Variants in NCAM2 observed in about 807,000 individuals in gnomAD.
NCAM2 encodes the protein N-CAM-2.
Under a neutral mutation model 98.1 loss-of-function variants are expected in NCAM2, and 30 were observed. The observed-to-expected ratio is 0.31, with a 90% CI of 0.23 to 0.41. NCAM2 has a LOEUF of 0.41. Ranked by LOEUF, NCAM2 falls within the 10% of genes least tolerant of loss-of-function variation. NCAM2 has a pLI of 1.00. For synonymous variants in NCAM2, 368 were observed against 342.4 expected, an observed-to-expected ratio of 1.07 and a Z score of -0.83; for missense variants, 867 against 1,005.8, an observed-to-expected ratio of 0.86 and a Z score of 1.87.
intron 1 of NCAM2, among the ~76,000 whole-genome samples, chr21:21,181,883 G>A (rs1414120324): frequency 6.6e-6 from 1 of 151,716 alleles, no homozygotes. Flanking sequence ...GTTACCACAG[G>A]AAATAATTTT....
chr21:21,144,969 T>C (rs979857006), intron 1 of NCAM2, among the ~76,000 whole-genome samples: 2 of 152,080 alleles, frequency 1.3e-5, no homozygotes, highest in African/African-American at 4.8e-5. Context: ...CTGAAAGAAA[T>C]AATGATCATG....
chr21:21,189,593 G>T (rs60892498), intron 1 of NCAM2, among the ~76,000 whole-genome samples: 148 of 152,168 alleles, frequency 9.7e-4, no homozygotes, highest in African/African-American at 3.3e-3. Context: ...ATAAATTCCA[G>T]ACTTGATTTT....
rs568621780 is a variant in NCAM2 at position 21,091,791 on chromosome 21, A to G, written c.55+93173A>G. Reference sequence around the variant, plus strand: ...AGCAATCATATATCTTAAAATATAGAATGTAATTTATTCCTGTAATTAAGT... The same window carrying G: ...AGCAATCATATATCTTAAAATATAGGATGTAATTTATTCCTGTAATTAAGT... On this transcript the variant is annotated intron_variant, in intron 1 of 17. Transcript: ENST00000400546. 5.1e-4 allele frequency among the ~76,000 whole-genome samples: 77 copies of G among 152,328 alleles called. 1 individual carries two copies. The South Asian group carries it at 0.014, about 28-fold the overall frequency.
chr21:21,291,409 T>C (rs1601881736), intron 4 of NCAM2, among the ~76,000 whole-genome samples: 1 of 151,880 alleles, frequency 6.6e-6, no homozygotes, highest in East Asian at 1.9e-4. Context: ...CACAGATTAC[T>C]GTAGCAGATT....
intron 1 of NCAM2, among the ~76,000 whole-genome samples, chr21:21,186,228 G>C (rs2068636879): frequency 6.6e-6 from 1 of 152,068 alleles, no homozygotes; most frequent in South Asian, 2.1e-4. Flanking sequence ...ATAGTTTTTT[G>C]TGTAATAGCT....
Position 21,171,253 on chromosome 21 carries a change from A to G in NCAM2, c.56-109325A>G, listed in dbSNP as rs372905747. Reference sequence around the variant, plus strand: ...GAACTATTCCAAACTACAAATGCCTATGCAGCAATGTTCAGTAAAAGATGA... The same window carrying G: ...GAACTATTCCAAACTACAAATGCCTGTGCAGCAATGTTCAGTAAAAGATGA... On this transcript the variant is annotated intron_variant, in intron 1 of 17. Coordinates refer to ENST00000400546, the MANE Select transcript of NCAM2 (RefSeq NM_004540.5). Among the ~76,000 whole-genome samples the G allele has an allele frequency of 2.0e-5, 3 of 152,230 alleles. No homozygotes were observed. The East Asian group carries it at 5.8e-4, about 29-fold the overall frequency.
At chr21:21,451,958 AT>A (rs1256103711) in intron 12 of NCAM2, among the ~76,000 whole-genome samples, 1 of 152,032 alleles carries the variant, frequency 6.6e-6, no homozygotes, top group Non-Finnish European at 1.5e-5. Flanking sequence ...TACATTCTTT[AT>A]CTTCAACTCT....
chr21:21,070,378 G>A (rs1344504666), intron 1 of NCAM2, among the ~76,000 whole-genome samples: 2 of 131,712 alleles, frequency 1.5e-5, no homozygotes, highest in African/African-American at 6.3e-5. Flanking sequence ...AATACAAAAA[G>A]TCTTTCTCTG....
At chr21:21,386,297 G>T (rs1232396594) in intron 9 of NCAM2, among the ~76,000 whole-genome samples, 1 of 152,120 alleles carries the variant, frequency 6.6e-6, no homozygotes, top group Admixed American at 6.6e-5. Flanking sequence ...TTAGAAATTA[G>T]AAAAATTCCT....
chr21:21,088,519 G>T (rs1448172518), intron 1 of NCAM2, among the ~76,000 whole-genome samples: 1 of 152,122 alleles, frequency 6.6e-6, no homozygotes. Context: ...TAAAGGAAAA[G>T]TTCAAACCAC....
chr21:21,093,008 A>G (rs2066044611), intron 1 of NCAM2, among the ~76,000 whole-genome samples: 1 of 72 alleles, frequency 0.014, no homozygotes, highest in South Asian at 0.25. Flanking sequence ...AAATTTTCTC[A>G]TGAGCTTTCA....
At chr21:21,379,514 C>T (rs1208848133) in intron 9 of NCAM2, among the ~76,000 whole-genome samples, 7 of 152,128 alleles carry the variant, frequency 4.6e-5, no homozygotes, top group South Asian at 2.1e-4. Flanking sequence ...AACTTTGGCT[C>T]ATAGTTATGT....
At chr21:21,096,400 G>C (rs2066124538) in intron 1 of NCAM2, among the ~76,000 whole-genome samples, 1 of 151,640 alleles carries the variant, frequency 6.6e-6, no homozygotes, top group African/African-American at 2.4e-5. Context: ...CAAATCATTT[G>C]AAAACTTACA....
chr21:21,134,787 C>T (rs1048464839), intron 1 of NCAM2, among the ~76,000 whole-genome samples: 4 of 150,754 alleles, frequency 2.7e-5, no homozygotes, highest in African/African-American at 2.4e-5. Context: ...GATCACAACT[C>T]GCTGCAGTCT....
intron 8 of NCAM2, among the ~76,000 whole-genome samples, chr21:21,368,714 C>G (rs2075844068): frequency 6.6e-6 from 1 of 151,776 alleles, no homozygotes; most frequent in Admixed American, 6.6e-5. Context: ...ATGATCTAAT[C>G]AACTCCCAAA....
chr21:21,397,319 C>G (rs1300590059), intron 9 of NCAM2, among the ~76,000 whole-genome samples: 1 of 152,182 alleles, frequency 6.6e-6, no homozygotes, highest in East Asian at 1.9e-4. Flanking sequence ...GCTTTCTGCC[C>G]AGAAGGCTGT....
intron 12 of NCAM2, among the ~76,000 whole-genome samples, chr21:21,434,461 T>C (rs759135555): frequency 9.2e-5 from 14 of 152,210 alleles, no homozygotes; most frequent in Non-Finnish European, 2.1e-4. Flanking sequence ...TCTGTTTCCA[T>C]TGTTGATTCA....
intron 1 of NCAM2, among the ~76,000 whole-genome samples, chr21:21,155,544 A>T (rs1169568618): frequency 2.0e-5 from 3 of 151,768 alleles, no homozygotes; most frequent in African/African-American, 7.2e-5. Flanking sequence ...CTCTTTTTAT[A>T]TAAAATGTTC....
chr21:21,262,184 A>G (rs928630456), intron 1 of NCAM2, among the ~76,000 whole-genome samples: 1 of 152,152 alleles, frequency 6.6e-6, no homozygotes, highest in Non-Finnish European at 1.5e-5. Flanking sequence ...GAACAGAACA[A>G]TAACAAGTTA....
Sources: gnomAD v4.1 joint callset for allele counts (sites outside exome capture counted in the v4.1 genomes callset) on GRCh38, gnomAD v4.1.1 for gene constraint, MANE v1.5 for transcripts, NCBI Gene and HGNC (gene_info 2026-07-23, HGNC 2026-07-21) for gene names.